Variants in TNNI3K observed in about 807,000 individuals in gnomAD.
The protein encoded by TNNI3K is TNNI3 interacting kinase.
In TNNI3K, 140 loss-of-function variants were observed where a neutral mutation model predicts 114.5. The ratio of observed to expected loss-of-function variants is 1.22; its 90% CI spans 1.07 to 1.41. The LOEUF (loss-of-function observed/expected upper bound fraction) is 1.41. Among genes scored for constraint, TNNI3K ranks in the 40% most tolerant of loss-of-function variants. The pLI is 0.00. For synonymous variants in TNNI3K, 347 were observed against 347.5 expected (o/e 1.00, Z 0.02); for missense variants, 1,125 against 1,007.6 (o/e 1.12, Z -1.58).
chr1:74,463,497 A>G lies in TNNI3K; in HGVS notation c.2068A>G (p.Ile690Val). 1.9e-6 allele frequency: 3 copies of G among 1,614,208 alleles called. No individual in the cohort carries two copies. Among genetic ancestry groups the G allele is most frequent in the Non-Finnish European group, 1.7e-6 (2 of 1,180,034 alleles). The stretch of plus-strand genomic sequence containing the variant: ...CATCAGACCTCCCATTGGCTATTCC[A>G]TTCCCAAGCCCATATCATCTCTGCT... ...HHIRPPIGYSIPKPISSLLIR... is the reference protein window; with the variant it reads ...HHIRPPIGYSVPKPISSLLIR... The change falls in exon 21 of 25, where the codon ATT becomes GTT. Residue 690 changes from isoleucine to valine, a missense_variant. Physicochemically the swap from Ile to Val is conservative, Grantham distance 29. Coordinates refer to ENST00000326637, the MANE Select transcript of TNNI3K (RefSeq NM_015978.3).
At chr1:74,451,871 T>C (rs1039784803) in intron 20 of TNNI3K, among the ~76,000 whole-genome samples, 1 of 151,640 alleles carries the variant, frequency 6.6e-6, no homozygotes, top group Non-Finnish European at 1.5e-5. Context: ...AAATGTTTCA[T>C]CTGCCATCAC....
rs145869260 is a variant in TNNI3K at position 74,466,258 on chromosome 1, G to A, written c.2121+2708G>A. ...CCAATTCTGGACACACTATGACAAAGTTTACCATCAAATAACAATCAAGGG... is the reference window on the plus strand; with the variant it reads ...CCAATTCTGGACACACTATGACAAAATTTACCATCAAATAACAATCAAGGG... On this transcript the variant is annotated intron_variant, in intron 21 of 24. Transcript: ENST00000326637. 2.8e-3 allele frequency among the ~76,000 whole-genome samples: 425 copies of A among 152,282 alleles called. 3 individuals are homozygous for A. Among genetic ancestry groups the A allele is most frequent in the African/African-American group, 9.1e-3 (376 of 41,536 alleles).
At chr1:74,283,037 A>T (rs1020737334) in intron 5 of TNNI3K, among the ~76,000 whole-genome samples, 2 of 152,216 alleles carry the variant, frequency 1.3e-5, no homozygotes, top group Non-Finnish European at 2.9e-5. Flanking sequence ...TTAACTTTAT[A>T]GGTTTCCATA....
intron 7 of TNNI3K, 90 bp from the exon 8 acceptor site, chr1:74,342,752 C>T (rs1570490095): frequency 4.1e-6 from 6 of 1,473,714 alleles, no homozygotes; most frequent in Non-Finnish European, 5.5e-6. Flanking sequence ...ATCACTCAGG[C>T]ACTTAGAAAT....
intron 17 of TNNI3K, chr1:74,401,798 C>G: frequency 2.2e-6 from 1 of 447,442 alleles, no homozygotes; most frequent in South Asian, 1.6e-5. Context: ...ATTCAAATCT[C>G]TTCTTATTTT....
intron 4 of TNNI3K, among the ~76,000 whole-genome samples, chr1:74,264,026 A>G (rs1389128340): frequency 5.3e-5 from 8 of 152,072 alleles, no homozygotes; most frequent in Admixed American, 6.6e-5. Flanking sequence ...TCAAAGGCCA[A>G]TTGGAGGCAG....
chr1:74,355,539 G>A (rs1264101927), intron 11 of TNNI3K, among the ~76,000 whole-genome samples: 1 of 152,110 alleles, frequency 6.6e-6, no homozygotes, highest in Non-Finnish European at 1.5e-5. Context: ...GGGAGGCAGA[G>A]GTTGTGGTGA....
chr1:74,388,099 G>A lies in TNNI3K; in HGVS notation c.1772+17707G>A, dbSNP rs147572440. ...TCGAGACCAGCCTGGCCAATATGGC[G>A]AAACCCCATCTCTACTAGAAACACA... On this transcript the variant is annotated intron_variant, in intron 17 of 24. Coordinates refer to ENST00000326637, the MANE Select transcript of TNNI3K (RefSeq NM_015978.3). 2.3e-3 allele frequency among the ~76,000 whole-genome samples: 347 copies of A among 152,144 alleles called. 1 individual carries two copies. Among genetic ancestry groups the A allele is most frequent in the African/African-American group, 7.2e-3 (299 of 41,518 alleles).
At chr1:74,277,755 G>C (rs1317631037) in intron 5 of TNNI3K, among the ~76,000 whole-genome samples, 1 of 152,176 alleles carries the variant, frequency 6.6e-6, no homozygotes, top group Admixed American at 6.5e-5. Flanking sequence ...GTAAACCAAT[G>C]TGTAATGTAT....
chr1:74,380,845 T>G (rs1384552713), intron 17 of TNNI3K, among the ~76,000 whole-genome samples: 2 of 152,140 alleles, frequency 1.3e-5, no homozygotes, highest in Non-Finnish European at 1.5e-5. Context: ...TTTTCAACCC[T>G]TGCTTGCTGA....
chr1:74,537,018 G>A (rs916889002), intron 23 of TNNI3K, among the ~76,000 whole-genome samples: 1 of 152,128 alleles, frequency 6.6e-6, no homozygotes, highest in African/African-American at 2.4e-5. Context: ...CCTGGCATGG[G>A]TAGCTTCCAT....
chr1:74,268,222 A>G (rs1209649393), intron 4 of TNNI3K, among the ~76,000 whole-genome samples: 1 of 151,934 alleles, frequency 6.6e-6, no homozygotes, highest in Non-Finnish European at 1.5e-5. Context: ...TTTATGCTTA[A>G]AAAGACCTTC....
chr1:74,364,168 T>A (rs527411431), intron 11 of TNNI3K, among the ~76,000 whole-genome samples: 2 of 151,276 alleles, frequency 1.3e-5, no homozygotes, highest in South Asian at 4.2e-4. Context: ...CCCCACTAAT[T>A]TAAAAAAAAA....
chr1:74,343,331 G>C, intron 9 of TNNI3K, 152 bp downstream of exon 9: 1 of 851,458 alleles, frequency 1.2e-6, no homozygotes, highest in East Asian at 2.7e-5. Context: ...GCCAGAGCTA[G>C]ATGCATGGAA....
chr1:74,432,731 G>A (rs1304026867), intron 17 of TNNI3K, among the ~76,000 whole-genome samples: 3 of 151,858 alleles, frequency 2.0e-5, no homozygotes, highest in Non-Finnish European at 4.4e-5. Flanking sequence ...CAGGTATTTT[G>A]GGCACTAGCT....
At chr1:74,529,139 A>T (rs1376604196) in intron 23 of TNNI3K, among the ~76,000 whole-genome samples, 4 of 152,256 alleles carry the variant, frequency 2.6e-5, no homozygotes. Context: ...ATATTTATAT[A>T]GTCTCAAAAT....
At chr1:74,264,690 G>A (rs1007435682) in intron 4 of TNNI3K, among the ~76,000 whole-genome samples, 8 of 151,928 alleles carry the variant, frequency 5.3e-5, no homozygotes, top group Non-Finnish European at 1.0e-4. Context: ...AGGTGAATAA[G>A]GTATTACAGA....
chr1:74,412,072 G>A (rs944298232), intron 17 of TNNI3K, among the ~76,000 whole-genome samples: 1 of 152,080 alleles, frequency 6.6e-6, no homozygotes, highest in African/African-American at 2.4e-5. Flanking sequence ...AGGTAGGAAG[G>A]TAGCAACACA....
intron 17 of TNNI3K, chr1:74,378,632 ATATAT>A (rs1663042190): frequency 9.6e-6 from 1 of 103,938 alleles, no homozygotes; most frequent in Non-Finnish European, 2.0e-5. Context: ...ATATATATAT[ATATAT>A]ATATTTCATT....
Sources: allele counts gnomAD v4.1 joint callset (sites outside exome capture counted in the v4.1 genomes callset), GRCh38; gene constraint gnomAD v4.1.1; transcripts MANE v1.5; gene names NCBI Gene and HGNC (gene_info 2026-07-23, HGNC 2026-07-21).